The following PRKCSH variants were observed in gnomAD, a reference collection of about 807,000 sequenced individuals.
PRKCSH encodes the protein PRKCSH beta subunit of glucosidase II.
PRKCSH carries 42 observed loss-of-function variants against 79.7 expected under a neutral mutation model. The observed-to-expected ratio is 0.53, with a 90% CI of 0.41 to 0.68. The LOEUF (loss-of-function observed/expected upper bound fraction) is 0.68, where lower values mean the gene tolerates loss of function less well. Among genes scored for constraint, PRKCSH ranks in the 30% least tolerant of loss-of-function variants. PRKCSH has a pLI of 0.00. For missense variants in PRKCSH, 686 were observed against 709.0 expected, an observed-to-expected ratio of 0.97 and a Z score of 0.37; for synonymous variants, 325 against 288.2, an observed-to-expected ratio of 1.13 and a Z score of -1.29.
intron 9 of PRKCSH, 106 bp from the exon 10 acceptor site, chr19:11,446,968 C>A: frequency 8.0e-7 from 1 of 1,255,916 alleles, no homozygotes; most frequent in Non-Finnish European, 1.2e-6. Flanking sequence ...CATCAGGGCC[C>A]GGGGCCCAGC....
chr19:11,436,519 C>T lies in PRKCSH; in HGVS notation c.196+14C>T. Reference sequence around the variant, plus strand: ...CTGACGAGCCAGGTGAGCCTTTTCTCTGTTCATCCATCAGATGTTTATTGA... The same window carrying T: ...CTGACGAGCCAGGTGAGCCTTTTCTTTGTTCATCCATCAGATGTTTATTGA... On this transcript the variant is annotated intron_variant, in intron 3 of 17. Transcript: ENST00000677123. 1.9e-6 allele frequency: 3 copies of T among 1,584,780 alleles called. No individual in the cohort carries two copies. Among genetic ancestry groups the T allele is most frequent in the Non-Finnish European group, 2.6e-6 (3 of 1,155,396 alleles).
chr19:11,448,895 A>G lies in PRKCSH; in HGVS notation c.1287-19A>G, dbSNP rs367611920. ...GGAATCCCTGCGTTCCCCAACCCAT[A>G]TGTCCCGGTCCTCCACAGATACGTC... On this transcript the variant is annotated intron_variant, in intron 14 of 17. Transcript: ENST00000677123. This position sits in a 1 kb window ranked among gnomAD's most constrained non-coding sequence, Gnocchi z 4.4. 5.0e-6 allele frequency: 8 copies of G among 1,613,810 alleles called. No individual in the cohort carries two copies. The African/African-American group carries it at 6.7e-5, about 13-fold the overall frequency.
chr19:11,442,415 G>T lies in PRKCSH; in HGVS notation c.498G>T (p.Lys166Asn), dbSNP rs1238585087. The stretch of plus-strand genomic sequence containing the variant: ...AGCTCATTGAGCTACAGGCTGGGAA[G>T]AAGTCTCTGGAAGACCAGGTGGAGA... ...QKKLIELQAG[K>N]KSLEDQVEML... The change falls in exon 7 of 18, where the codon AAG becomes AAT. Residue 166 changes from lysine to asparagine, a missense_variant. By Grantham distance (94) the Lys-to-Asn change is moderately conservative. Coordinates refer to ENST00000677123, the MANE Select transcript of PRKCSH (RefSeq NM_001289104.2). The T allele has an allele frequency of 6.2e-7, 1 of 1,609,730 alleles. No homozygotes were observed. Among genetic ancestry groups the T allele is most frequent in the South Asian group, 1.1e-5 (1 of 90,432 alleles).
At position 11,447,254 on chromosome 19, in the gene PRKCSH, C is replaced by G; in HGVS notation, c.849+94C>G. On this transcript the variant is annotated intron_variant, in intron 10 of 17. Transcript: ENST00000677123. This position sits in a 1 kb window ranked among gnomAD's most constrained non-coding sequence, Gnocchi z 5.6. Reference sequence around the variant, plus strand: ...GCTGCCTCTGGTTCTGGCACCTGGCCACCCTGGCCAGCTGGGTGGCCCCAG... The same window carrying G: ...GCTGCCTCTGGTTCTGGCACCTGGCGACCCTGGCCAGCTGGGTGGCCCCAG... The G allele has an allele frequency of 2.0e-6, 3 of 1,471,262 alleles. No individual in the cohort carries two copies. The South Asian group carries it at 3.5e-5, about 17-fold the overall frequency. 91.1% of individuals were successfully genotyped at this position (1,471,262 alleles called of 1,614,324 possible). A position where few individuals can be genotyped will look rare whatever the true frequency, so the allele number is the denominator to read the frequency against.
At chr19:11,436,002 G>T (rs1969706064) in intron 1 of PRKCSH, 39 bp from the exon 2 acceptor site, 3 of 1,388,866 alleles carry the variant, frequency 2.2e-6, no homozygotes, top group South Asian at 1.2e-5. Context: ...GCTGGAAGTA[G>T]CCCTCTCCCA....
chr19:11,442,253 G>A, intron 6 of PRKCSH, 133 bp from the exon 7 acceptor site: 1 of 1,353,702 alleles, frequency 7.4e-7, no homozygotes, highest in Non-Finnish European at 1.0e-6. Context: ...CCCCAGCTCG[G>A]GAGAGAGACC....
chr19:11,442,808 T>A (rs1970124475), intron 7 of PRKCSH, among the ~76,000 whole-genome samples: 1 of 152,150 alleles, frequency 6.6e-6, no homozygotes, highest in Non-Finnish European at 1.5e-5. Context: ...TTCAAGCAAT[T>A]CTTGTGCCTC....
rs1970433400 is a variant in PRKCSH at position 11,448,533 on chromosome 19, CT to C, written c.1197-5del. ...CTGCCCCTTAACCGCTCCGCCTCCCCTTCCAGGAACCTGGAGCAAGAGATTT... is the reference window on the plus strand; with the variant it reads ...CTGCCCCTTAACCGCTCCGCCTCCCCTCCAGGAACCTGGAGCAAGAGATTT... On this transcript the variant is annotated splice_polypyrimidine_tract_variant and splice_region_variant and intron_variant, in intron 13 of 17. Transcript: ENST00000677123. The surrounding 1 kb of genome is among the most constrained non-coding windows in gnomAD (Gnocchi z 4.4). The C allele has an allele frequency of 6.2e-7, 1 of 1,613,560 alleles. No individual in the cohort carries two copies. The highest frequency in any genetic ancestry group is 1.7e-5 in the Admixed American group (1 of 60,014).
intron 8 of PRKCSH, 154 bp downstream of exon 8, chr19:11,445,627 T>A: frequency 1.3e-6 from 1 of 761,436 alleles, no homozygotes; most frequent in Non-Finnish European, 2.3e-6. Flanking sequence ...CGCCTCTTAC[T>A]CGTGGATGGC....
chr19:11,436,457 C>T lies in PRKCSH; in HGVS notation c.148C>T (p.Gln50Ter), dbSNP rs765186057. ...LDGSATIPFD[Q>*]VNDDYCDCKD... is the part of the protein sequence containing the mutation. ...CGGTTCGGCCACCATCCCATTTGAT[C>T]AGGTCAACGATGACTATTGCGACTG... Residue 50 changes from glutamine to a stop codon, truncating the protein, a stop_gained, in exon 3 of 18, where the codon CAG becomes TAG. Transcript: ENST00000677123. LOFTEE classifies it high-confidence loss of function. 1 of 1,614,210 alleles carries T rather than the reference C, an allele frequency of 6.2e-7. No individual in the cohort carries two copies. Among genetic ancestry groups the T allele is most frequent in the Non-Finnish European group, 8.5e-7 (1 of 1,180,044 alleles).
chr19:11,435,674 T>G lies in PRKCSH; in HGVS notation c.-110T>G, dbSNP rs1416929671. ...AACCGCGGCTGCTGGACAAGAGGGG[T>G]GCGGTGGATACTGACCTTTGCTCCG... On this transcript the variant is annotated 5_prime_UTR_variant, in exon 1 of 18. Coordinates refer to ENST00000677123, the MANE Select transcript of PRKCSH (RefSeq NM_001289104.2). 74 of 1,301,782 alleles carry G rather than the reference T, an allele frequency of 5.7e-5. 1 individual carries two copies. In the Admixed American group the frequency reaches 1.7e-3, roughly 30 times the overall value. The allele number at this position is 1,301,782 out of a possible 1,614,324, so 80.6% of individuals were successfully genotyped here. A position where few individuals can be genotyped will look rare whatever the true frequency, so the allele number is the denominator to read the frequency against.
In PRKCSH at chr19:11,450,712, G is replaced by C. The variant is rs1308826953; in HGVS notation, c.*83G>C. On this transcript the variant is annotated 3_prime_UTR_variant, in exon 18 of 18. Transcript: ENST00000677123. ...ACCCGCCCCTCTGGGCCTGCCTGTG[G>C]CTCTGTTGCCCTCCTCTGTGGCGGC... 1 of 152,368 alleles carries C rather than the reference G, an allele frequency of 6.6e-6. No individual in the cohort carries two copies. The highest frequency in any genetic ancestry group is 6.5e-5 in the Admixed American group (1 of 15,290). The allele number at this position is 152,368 out of a possible 1,614,324, so 9.4% of individuals were successfully genotyped here.
rs1490523170 is a variant in PRKCSH at position 11,448,206 on chromosome 19, C to T, written c.1127-16C>T. On this transcript the variant is annotated splice_polypyrimidine_tract_variant and intron_variant, in intron 12 of 17. Transcript: ENST00000677123. The surrounding 1 kb of genome is among the most constrained non-coding windows in gnomAD (Gnocchi z 4.4). ...ATGGGGTTGAGGACATCTCTGACCT[C>T]CAACCCCTCTCCCAGCTGCCCAGGA... The T allele has an allele frequency of 1.3e-6, 2 of 1,553,790 alleles. No individual in the cohort carries two copies. Among genetic ancestry groups the T allele is most frequent in the East Asian group, 4.9e-5 (2 of 41,202 alleles).
chr19:11,439,543 C>T (rs1969949927), intron 5 of PRKCSH, among the ~76,000 whole-genome samples: 1 of 151,172 alleles, frequency 6.6e-6, no homozygotes, highest in Non-Finnish European at 1.5e-5. Context: ...TCACCTTAAC[C>T]CAGGAGTTTG....
At position 11,448,534 on chromosome 19, in the gene PRKCSH, T is replaced by C. The variant is rs753852207; in HGVS notation, c.1197-6T>C. On this transcript the variant is annotated splice_region_variant and splice_polypyrimidine_tract_variant and intron_variant, in intron 13 of 17. Coordinates refer to ENST00000677123, the MANE Select transcript of PRKCSH (RefSeq NM_001289104.2). The surrounding 1 kb of genome is among the most constrained non-coding windows in gnomAD (Gnocchi z 4.4). ...TGCCCCTTAACCGCTCCGCCTCCCC[T>C]TCCAGGAACCTGGAGCAAGAGATTT... is the stretch of plus-strand genomic sequence containing the variant. 3.1e-6 allele frequency: 5 copies of C among 1,613,648 alleles called. No homozygotes were observed. In the South Asian group the frequency reaches 3.3e-5, roughly 11 times the overall value.
In PRKCSH at chr19:11,448,686, G is replaced by T; in HGVS notation, c.1286+57G>T. The T allele has an allele frequency of 6.5e-7, 1 of 1,527,088 alleles. No homozygotes were observed. The allele number at this position is 1,527,088 out of a possible 1,614,324, so 94.6% of individuals were successfully genotyped here. A position where few individuals can be genotyped will look rare whatever the true frequency, so the allele number is the denominator to read the frequency against. Reference sequence around the variant, plus strand: ...GCAGGGTGGGAGGCGGGTGGCCCCGGAAGTGGCACCGGCAGTTTCCTGATG... The same window carrying T: ...GCAGGGTGGGAGGCGGGTGGCCCCGTAAGTGGCACCGGCAGTTTCCTGATG... On this transcript the variant is annotated intron_variant, in intron 14 of 17. Transcript: ENST00000677123. The surrounding 1 kb of genome is among the most constrained non-coding windows in gnomAD (Gnocchi z 4.4).
Position 11,448,486 on chromosome 19 carries a change from G to C in PRKCSH, c.1197-54G>C. 1 of 1,540,442 alleles carries C rather than the reference G, an allele frequency of 6.5e-7. No individual in the cohort carries two copies. Among genetic ancestry groups the C allele is most frequent in the Non-Finnish European group, 9.0e-7 (1 of 1,113,166 alleles). On this transcript the variant is annotated intron_variant, in intron 13 of 17. Coordinates refer to ENST00000677123, the MANE Select transcript of PRKCSH (RefSeq NM_001289104.2). This position sits in a 1 kb window ranked among gnomAD's most constrained non-coding sequence, Gnocchi z 4.4. Reference sequence around the variant, plus strand: ...AGACCCTCCTGTGTCTGTCGTCCTGGGTCAGGCACTGGCGTCCCCAGCTGC... The same window carrying C: ...AGACCCTCCTGTGTCTGTCGTCCTGCGTCAGGCACTGGCGTCCCCAGCTGC...
rs1005558263 is a variant in PRKCSH, at chr19:11,448,857, G to T, written c.1287-57G>T. Reference sequence around the variant, plus strand: ...CTGGAGGAGGCGGTGGGGGGTGGCTGTGGGAGGAGGCTGGAATCCCTGCGT... The same window carrying T: ...CTGGAGGAGGCGGTGGGGGGTGGCTTTGGGAGGAGGCTGGAATCCCTGCGT... On this transcript the variant is annotated intron_variant, in intron 14 of 17. Coordinates refer to ENST00000677123, the MANE Select transcript of PRKCSH (RefSeq NM_001289104.2). The surrounding 1 kb of genome is among the most constrained non-coding windows in gnomAD (Gnocchi z 4.4). 2.5e-6 allele frequency: 4 copies of T among 1,600,004 alleles called. No homozygotes were observed. The highest frequency in any genetic ancestry group is 3.4e-6 in the Non-Finnish European group (4 of 1,167,462).
intron 6 of PRKCSH, among the ~76,000 whole-genome samples, chr19:11,442,095 A>AG (rs1450037189): frequency 6.6e-6 from 1 of 152,030 alleles, no homozygotes; most frequent in Non-Finnish European, 1.5e-5. Context: ...AAGAGCGTTT[A>AG]GGGGTCTGAA....
Sources: allele counts gnomAD v4.1 joint callset (sites outside exome capture counted in the v4.1 genomes callset), GRCh38; gene constraint gnomAD v4.1.1; non-coding constraint Gnocchi (gnomAD v3.1); transcripts MANE v1.5; gene names NCBI Gene and HGNC (gene_info 2026-07-23, HGNC 2026-07-21).